SKA3: variants seen among roughly 807,000 people sequenced by gnomAD.
The protein encoded by SKA3 is spindle and kinetochore-associated protein 3.
SKA3 carries 39 observed loss-of-function variants against 44.2 expected under a neutral mutation model. That is an observed-to-expected ratio of 0.88 (90% CI 0.68 to 1.15). The LOEUF (loss-of-function observed/expected upper bound fraction) is 1.15, where lower values mean the gene tolerates loss of function less well. Ranked by LOEUF, SKA3 falls within the 50% of genes most tolerant of loss-of-function variation. The probability of loss-of-function intolerance (pLI) is 0.00; values close to 1 mark genes in which losing one functional copy is unlikely to be tolerated. For missense variants in SKA3, 511 were observed against 485.8 expected (o/e 1.05, Z -0.49); for synonymous variants, 192 against 172.0 (o/e 1.12, Z -0.91).
At chr13:21,175,346 G>A (rs976289582) in intron 1 of SKA3, among the ~76,000 whole-genome samples, 4 of 151,002 alleles carry the variant, frequency 2.6e-5, no homozygotes, top group Non-Finnish European at 4.4e-5. Context: ...GGCGGATCTC[G>A]GCTCACTGCA....
At chr13:21,165,151 T>C (rs565682489) in intron 4 of SKA3, among the ~76,000 whole-genome samples, 9 of 152,156 alleles carry the variant, frequency 5.9e-5, no homozygotes, top group African/African-American at 2.2e-4. Flanking sequence ...CCAGTATAAC[T>C]TACTGAATCA....
intron 5 of SKA3, among the ~76,000 whole-genome samples, chr13:21,161,071 G>A (rs1248981883): frequency 6.6e-6 from 1 of 152,090 alleles, no homozygotes; most frequent in Non-Finnish European, 1.5e-5. Flanking sequence ...GCAATGAGTT[G>A]TCTACAGTTG....
At chr13:21,156,005 G>T (rs1192057042) in intron 7 of SKA3, among the ~76,000 whole-genome samples, 194 bp from the exon 8 acceptor site, 1 of 151,836 alleles carries the variant, frequency 6.6e-6, no homozygotes, top group East Asian at 1.9e-4. Flanking sequence ...CTGGACAACA[G>T]GTAAAACCTC....
chr13:21,164,489 T>C (rs1177295941), intron 4 of SKA3, among the ~76,000 whole-genome samples: 4 of 152,254 alleles, frequency 2.6e-5, no homozygotes, highest in African/African-American at 9.6e-5. Flanking sequence ...ACTCTTTCCA[T>C]GATACATTCC....
At chr13:21,156,552 CTA>C (rs1325981212) in intron 7 of SKA3, among the ~76,000 whole-genome samples, 1 of 152,126 alleles carries the variant, frequency 6.6e-6, no homozygotes, top group Non-Finnish European at 1.5e-5. Flanking sequence ...GAAGTGGAAA[CTA>C]TATAATTTTC....
chr13:21,157,576 A>G (rs1870178509), intron 7 of SKA3, among the ~76,000 whole-genome samples: 1 of 152,192 alleles, frequency 6.6e-6, no homozygotes, highest in South Asian at 2.1e-4. Flanking sequence ...ATATTCTAAC[A>G]TACATCAATC....
Position 21,172,520 on chromosome 13 carries a change from A to G in SKA3, c.166-16T>C. On this transcript the variant is annotated splice_polypyrimidine_tract_variant and intron_variant, in intron 2 of 8. Coordinates refer to ENST00000314759, the MANE Select transcript of SKA3 (RefSeq NM_145061.6). ...TAACATCATCCTTTTATGAATAAAGAAAGTACATTTTAATTTCTCTAACTT... is the reference window on the plus strand; with the variant it reads ...TAACATCATCCTTTTATGAATAAAGGAAGTACATTTTAATTTCTCTAACTT... 1 of 1,170,062 alleles carries G rather than the reference A, an allele frequency of 8.5e-7. No homozygotes were observed. Among genetic ancestry groups the G allele is most frequent in the Non-Finnish European group, 1.1e-6 (1 of 884,666 alleles). 72.5% of individuals were successfully genotyped at this position (1,170,062 alleles called of 1,614,324 possible).
At chr13:21,175,333 A>T (rs1366198763) in intron 1 of SKA3, among the ~76,000 whole-genome samples, 1 of 150,090 alleles carries the variant, frequency 6.7e-6, no homozygotes, top group Non-Finnish European at 1.5e-5. Context: ...GCTGGAGTGC[A>T]GTGGCGGATC....
chr13:21,167,627 C>T (rs1834396329), intron 4 of SKA3, among the ~76,000 whole-genome samples: 1 of 151,934 alleles, frequency 6.6e-6, no homozygotes. Context: ...ATTAGCCAGG[C>T]GTGGTGGCTG....
At chr13:21,159,571 T>A (rs1870319333) in intron 6 of SKA3, among the ~76,000 whole-genome samples, 2 of 152,210 alleles carry the variant, frequency 1.3e-5, no homozygotes. Context: ...TATGCCTTGC[T>A]GTGTTTTAGT....
intron 3 of SKA3, among the ~76,000 whole-genome samples, chr13:21,169,035 T>C (rs770144327): frequency 4.6e-5 from 7 of 151,858 alleles, no homozygotes; most frequent in Non-Finnish European, 1.0e-4. Context: ...TCTTTTTTTT[T>C]TTTCTTTCTC....
intron 6 of SKA3, among the ~76,000 whole-genome samples, chr13:21,159,697 C>T (rs144396446): frequency 6.6e-6 from 1 of 152,142 alleles, no homozygotes; most frequent in African/African-American, 2.4e-5. Flanking sequence ...AGAAAAAATT[C>T]AGAGATATGG....
At chr13:21,160,410 T>A (rs1197644213) in intron 5 of SKA3, among the ~76,000 whole-genome samples, 1 of 151,972 alleles carries the variant, frequency 6.6e-6, no homozygotes, top group Non-Finnish European at 1.5e-5. Context: ...AAATTAAAGA[T>A]AAGAACAAGA....
chr13:21,172,454 G>A lies in SKA3; in HGVS notation c.216C>T (p.Gly72=), dbSNP rs1697753196. ...LDKARLENQE[G]IDFIKATKVL... ...CTTTTGTTGCCTTTATGAAATCAAT[G>A]CCTTCTTGATTTTCCAATCTTGCTT... The change falls in exon 3 of 9, where the codon GGC becomes GGT. Residue 72 remains glycine (G), a synonymous_variant. Transcript: ENST00000314759. 2 of 1,589,472 alleles carry A rather than the reference G, an allele frequency of 1.3e-6. No homozygotes were observed. The highest frequency in any genetic ancestry group is 8.5e-7 in the Non-Finnish European group (1 of 1,170,540).
In SKA3 at chr13:21,153,695, T is replaced by C. The variant is rs1869928681; in HGVS notation, c.*1455A>G. ...TCCTACTTCACTGGCCTCAGTCTCCTTTGCTAGATTACTCTGCCCCTTTCC... is the reference window on the plus strand; with the variant it reads ...TCCTACTTCACTGGCCTCAGTCTCCCTTGCTAGATTACTCTGCCCCTTTCC... On this transcript the variant is annotated 3_prime_UTR_variant, in exon 9 of 9. Coordinates refer to ENST00000314759, the MANE Select transcript of SKA3 (RefSeq NM_145061.6). 6.6e-6 allele frequency: 1 copy of C among 152,312 alleles called. No individual in the cohort carries two copies. Among genetic ancestry groups the C allele is most frequent in the Non-Finnish European group, 1.5e-5 (1 of 68,082 alleles). The allele number at this position is 152,312 out of a possible 1,614,324, so 9.4% of individuals were successfully genotyped here. A position where few individuals can be genotyped will look rare whatever the true frequency, so the allele number is the denominator to read the frequency against.
chr13:21,175,953 G>A (rs1048276729), intron 1 of SKA3, among the ~76,000 whole-genome samples: 1 of 152,112 alleles, frequency 6.6e-6, no homozygotes, highest in African/African-American at 2.4e-5. Context: ...AACTGTTTAG[G>A]TTTACATGGT....
intron 1 of SKA3, 155 bp from the exon 2 acceptor site, chr13:21,172,836 C>A (rs1393573173): frequency 3.0e-6 from 1 of 334,074 alleles, no homozygotes; most frequent in Non-Finnish European, 5.6e-6. Context: ...TATTTTTTAC[C>A]GTACCTTTTT....
intron 3 of SKA3, 144 bp downstream of exon 3, chr13:21,172,195 G>T (rs868001169): frequency 1.8e-6 from 1 of 548,040 alleles, no homozygotes; most frequent in Non-Finnish European, 3.1e-6. Flanking sequence ...CACACAGTGA[G>T]AGTTGACTAA....
chr13:21,161,763 G>A (rs377144863), intron 5 of SKA3, 27 bp downstream of exon 5: 1 of 1,150,738 alleles, frequency 8.7e-7, no homozygotes, highest in Non-Finnish European at 1.2e-6. Context: ...AAATGTTCCT[G>A]AGAAGTAACT....
Sources: gnomAD v4.1 joint callset for allele counts (sites outside exome capture counted in the v4.1 genomes callset) on GRCh38, gnomAD v4.1.1 for gene constraint, MANE v1.5 for transcripts, NCBI Gene and HGNC (gene_info 2026-07-23, HGNC 2026-07-21) for gene names.